Variants in DBNDD2 observed in about 807,000 individuals in gnomAD.
DBNDD2 encodes the protein dysbindin domain-containing protein 2.
Under a neutral mutation model 14.0 loss-of-function variants are expected in DBNDD2, and 8 were observed. That is an observed-to-expected ratio of 0.57 (90% CI 0.33 to 1.03). The LOEUF (loss-of-function observed/expected upper bound fraction) is 1.03, where lower values mean the gene tolerates loss of function less well. DBNDD2 is among the 50% of genes least tolerant of loss of function. The pLI is 0.03. For synonymous variants in DBNDD2, 94 were observed against 85.3 expected, an observed-to-expected ratio of 1.10 and a Z score of -0.56; for missense variants, 194 against 206.0, an observed-to-expected ratio of 0.94 and a Z score of 0.36.
upstream of DBNDD2, chr20:45,407,165 C>G (rs1989481846): frequency 2.8e-6 from 1 of 351,790 alleles, no homozygotes; most frequent in Non-Finnish European, 4.0e-6. Context: ...CCCTCCCCCT[C>G]CTCGCTGCTG....
chr20:45,407,373 G>A, upstream of DBNDD2: 1 of 985,824 alleles, frequency 1.0e-6, no homozygotes, highest in Non-Finnish European at 1.2e-6. Flanking sequence ...CGCCCGTGGA[G>A]CTGGCCAGGG....
upstream of DBNDD2, chr20:45,406,208 CGT>C (rs1989355574): frequency 4.1e-6 from 2 of 492,278 alleles, no homozygotes; most frequent in East Asian, 7.4e-5. Context: ...GAAGTGCGCG[CGT>C]GTAAGTGTGG....
At chr20:45,408,036 G>T, upstream of DBNDD2, 1 of 1,439,306 alleles carries the variant, frequency 6.9e-7, no homozygotes, top group Middle Eastern at 2.6e-4. Context: ...CCTCCACCCT[G>T]AGATCTCTGT....
chr20:45,406,147 G>A, upstream of DBNDD2: 3 of 361,210 alleles, frequency 8.3e-6, no homozygotes, highest in Non-Finnish European at 1.5e-5. Context: ...TCAGTGCCCT[G>A]CCCCCTCCTG....
upstream of DBNDD2, chr20:45,407,873 C>T (rs941363487): frequency 1.7e-6 from 2 of 1,176,098 alleles, no homozygotes; most frequent in East Asian, 8.0e-5. Context: ...AGGCCTGTGA[C>T]TTCAGAGCAA....
At chr20:45,408,141 C>A, upstream of DBNDD2, 2 of 1,533,514 alleles carry the variant, frequency 1.3e-6, no homozygotes, top group Middle Eastern at 1.8e-4. Flanking sequence ...ATCCCTCCAA[C>A]CCCTCTCAGG....
upstream of DBNDD2, chr20:45,407,276 G>T: frequency 3.1e-6 from 3 of 982,072 alleles, no homozygotes; most frequent in Non-Finnish European, 3.6e-6. Context: ...TCGCTCCTCC[G>T]CCGCCAGCCC....
upstream of DBNDD2, chr20:45,406,258 G>A (rs1358765860): frequency 1.8e-6 from 1 of 550,130 alleles, no homozygotes; most frequent in Non-Finnish European, 3.2e-6. Context: ...GGGTTCGGGT[G>A]CGTAGTCGTT....
At position 45,408,794 on chromosome 20, in the gene DBNDD2, T is replaced by A. The variant is rs546459648; in HGVS notation, c.140-7T>A. ...TCCTCCTGACTTGCCCACTTCTTGA[T>A]CCGCAGCCCCCATAGGTAGTATCTC... On this transcript the variant is annotated splice_polypyrimidine_tract_variant and splice_region_variant and intron_variant, in intron 1 of 2. Transcript: ENST00000372710. The A allele has an allele frequency of 6.2e-7, 1 of 1,613,800 alleles. No homozygotes were observed. The highest frequency in any genetic ancestry group is 1.3e-5 in the African/African-American group (1 of 75,034).
At chr20:45,406,828 C>A (rs1475037542), upstream of DBNDD2, 5 of 1,209,444 alleles carry the variant, frequency 4.1e-6, no homozygotes, top group Non-Finnish European at 4.1e-6. Context: ...GCCCTCCCCC[C>A]GTCCTCCGCC....
rs1989776892 is a variant in DBNDD2 at position 45,410,300 on chromosome 20, T to C, written c.*160T>C. ...TGTGTACCTTTCTAAGAATTAACCC[T>C]CTCCTGCTTTACTGCTAATTTTTTC... On this transcript the variant is annotated 3_prime_UTR_variant, in exon 3 of 3. Transcript: ENST00000372710. 4 of 821,758 alleles carry C rather than the reference T, an allele frequency of 4.9e-6. No individual in the cohort carries two copies. The highest frequency in any genetic ancestry group is 2.9e-5 in the Admixed American group (1 of 34,878). 50.9% of individuals were successfully genotyped at this position (821,758 alleles called of 1,614,324 possible). A position where few individuals can be genotyped will look rare whatever the true frequency, so the allele number is the denominator to read the frequency against.
chr20:45,409,775 G>A (rs1052705896), intron 2 of DBNDD2, among the ~76,000 whole-genome samples, 157 bp from the exon 3 acceptor site: 1 of 152,232 alleles, frequency 6.6e-6, no homozygotes, highest in African/African-American at 2.4e-5. Flanking sequence ...TGGCAGTCAG[G>A]AGATGGTGAT....
chr20:45,407,003 G>A (rs1336313408), upstream of DBNDD2, among the ~76,000 whole-genome samples: 2 of 152,044 alleles, frequency 1.3e-5, no homozygotes, highest in African/African-American at 4.8e-5. Context: ...TATAGGTCGC[G>A]TAAACAACTC....
Position 45,410,078 on chromosome 20 carries a change from G to C in DBNDD2, c.424G>C (p.Ala142Pro). 2.6e-6 allele frequency: 4 copies of C among 1,554,956 alleles called. No homozygotes were observed. Among genetic ancestry groups the C allele is most frequent in the South Asian group, 2.4e-5 (2 of 84,178 alleles). ...PSDDGADTPL[A>P]QSDEEEERGD... Reference sequence around the variant, plus strand: ...TGATGATGGAGCAGATACGCCCTTGGCACAGTCGGATGAAGAGGAGGAAAG... The same window carrying C: ...TGATGATGGAGCAGATACGCCCTTGCCACAGTCGGATGAAGAGGAGGAAAG... Residue 142 changes from alanine (A) to proline (P), a missense_variant, in exon 3 of 3, where the codon GCA becomes CCA. Ala to Pro is a conservative substitution (Grantham distance 27). Coordinates refer to ENST00000372710, the MANE Select transcript of DBNDD2 (RefSeq NM_001048225.4).
upstream of DBNDD2, chr20:45,407,590 G>A: frequency 1.0e-6 from 1 of 987,208 alleles, no homozygotes; most frequent in Non-Finnish European, 1.2e-6. Context: ...CAGCCCTAGG[G>A]GTCAGGAGGC....
chr20:45,409,947 TG>T lies in DBNDD2; in HGVS notation c.295del (p.Glu99ArgfsTer3). 6.4e-7 allele frequency: 1 copy of T among 1,551,702 alleles called. No homozygotes were observed. The highest frequency in any genetic ancestry group is 1.4e-5 in the African/African-American group (1 of 73,166). ...CTCTGGGCAGGGATGGACAACCATT[TG>T]GAGGAGCTGAGCCTGCCGGTGCCTA... ...TPQSSGMDNH[L>X]EELSLPVPTS... is the part of the protein sequence containing the mutation. On this transcript the variant is annotated frameshift_variant, in exon 3 of 3. Transcript: ENST00000372710. LOFTEE classifies it high-confidence loss of function.
chr20:45,407,236 G>C (rs908662435), upstream of DBNDD2: 4 of 855,346 alleles, frequency 4.7e-6, no homozygotes, highest in African/African-American at 1.8e-5. Context: ...GCAGCTCTAA[G>C]AGCCTTTCCC....
At position 45,410,324 on chromosome 20, in the gene DBNDD2, T is replaced by C; in HGVS notation, c.*184T>C. On this transcript the variant is annotated 3_prime_UTR_variant, in exon 3 of 3. Transcript: ENST00000372710. ...CTCTCCTGCTTTACTGCTAATTTTT[T>C]CCTGCTGCAACCCTCCCACCAGTTT... 1 of 709,960 alleles carries C rather than the reference T, an allele frequency of 1.4e-6. No individual in the cohort carries two copies. The highest frequency in any genetic ancestry group is 2.3e-6 in the Non-Finnish European group (1 of 439,452). The allele number at this position is 709,960 out of a possible 1,614,324, so 44.0% of individuals were successfully genotyped here.
chr20:45,410,093 G>A lies in DBNDD2; in HGVS notation c.439G>A (p.Glu147Lys). 4 of 1,553,620 alleles carry A rather than the reference G, an allele frequency of 2.6e-6. No individual in the cohort carries two copies. The highest frequency in any genetic ancestry group is 3.5e-6 in the Non-Finnish European group (4 of 1,147,966). ...ADTPLAQSDEEEERGDGGAEP... is the reference protein window; with the variant it reads ...ADTPLAQSDEKEERGDGGAEP... Reference sequence around the variant, plus strand: ...TACGCCCTTGGCACAGTCGGATGAAGAGGAGGAAAGGGGTGATGGAGGGGC... The same window carrying A: ...TACGCCCTTGGCACAGTCGGATGAAAAGGAGGAAAGGGGTGATGGAGGGGC... The change falls in exon 3 of 3, where the codon GAG (glutamate) becomes AAG (lysine). Residue 147 changes from glutamate to lysine, a missense_variant. Transcript: ENST00000372710.
Sources: gnomAD v4.1 joint callset for allele counts (sites outside exome capture counted in the v4.1 genomes callset) on GRCh38, gnomAD v4.1.1 for gene constraint, MANE v1.5 for transcripts, NCBI Gene and HGNC (gene_info 2026-07-23, HGNC 2026-07-21) for gene names.